The following POPDC1 variants were observed in gnomAD, a reference collection of about 807,000 sequenced individuals.
POPDC1 encodes the protein popeye domain cAMP effector 1.
At chr6:105,130,970 T>C in the POPDC1 span, among the ~76,000 whole-genome samples, 1 of 152,252 alleles carries the variant, frequency 6.6e-6, no homozygotes, top group Non-Finnish European at 1.5e-5. Flanking sequence ...GAATTTTCCC[T>C]TGGTGATTAT....
the POPDC1 span, among the ~76,000 whole-genome samples, chr6:105,109,763 C>CAAAAAAAAAAAAAAAAGAAAAA: frequency 4.4e-5 from 1 of 22,864 alleles, no homozygotes. Flanking sequence ...GACCCTTTCT[C>CAAAAAAAAAAAAAAAAGAAAAA]AAAAAAAAAA....
chr6:105,097,633 A>G, the POPDC1 span: 2 of 152,242 alleles, frequency 1.3e-5, no homozygotes, highest in Non-Finnish European at 2.9e-5. Context: ...TCAGCAACCA[A>G]GTGACTCTGT....
chr6:105,125,411 C>CAA, the POPDC1 span: 2 of 1,614,204 alleles, frequency 1.2e-6, no homozygotes, highest in Admixed American at 1.7e-5. Context: ...AGAGAATACT[C>CAA]AGACGGTCAT....
At chr6:105,104,902 C>T in the POPDC1 span, among the ~76,000 whole-genome samples, 1 of 152,250 alleles carries the variant, frequency 6.6e-6, no homozygotes, top group South Asian at 2.1e-4. Flanking sequence ...TATTTTATTT[C>T]TCAGAAACTC....
At chr6:105,124,385 C>CAAAAAAAAAAAAAA in the POPDC1 span, among the ~76,000 whole-genome samples, 1 of 81,778 alleles carries the variant, frequency 1.2e-5, no homozygotes, top group Non-Finnish European at 2.5e-5. Context: ...CCGTCTCAAA[C>CAAAAAAAAAAAAAA]AAAAAAAAAA....
chr6:105,105,074 C>G, the POPDC1 span, among the ~76,000 whole-genome samples: 1 of 152,210 alleles, frequency 6.6e-6, no homozygotes, highest in East Asian at 1.9e-4. Flanking sequence ...AGAACACATC[C>G]TAGGAGGATA....
the POPDC1 span, chr6:105,137,055 C>T: frequency 6.6e-6 from 1 of 152,140 alleles, no homozygotes; most frequent in South Asian, 2.1e-4. Context: ...GGCACACGGG[C>T]TCAGCTGCTC....
the POPDC1 span, chr6:105,133,285 C>A: frequency 7.5e-7 from 1 of 1,328,126 alleles, no homozygotes; most frequent in South Asian, 1.4e-5. Flanking sequence ...CTCTGAAGCT[C>A]TCAATGTAAA....
the POPDC1 span, chr6:105,124,595 A>C: frequency 6.2e-7 from 1 of 1,613,088 alleles, no homozygotes; most frequent in East Asian, 2.2e-5. Flanking sequence ...ATTCAGGAGA[A>C]TCTATAAAGG....
the POPDC1 span, among the ~76,000 whole-genome samples, chr6:105,135,824 T>G: frequency 6.6e-6 from 1 of 152,164 alleles, no homozygotes; most frequent in African/African-American, 2.4e-5. Context: ...TCAGTTTACT[T>G]TGATTACCAC....
chr6:105,097,478 T>A, the POPDC1 span: 1 of 152,316 alleles, frequency 6.6e-6, no homozygotes, highest in African/African-American at 2.4e-5. Flanking sequence ...CTGACCTGCA[T>A]GCCAGGTGCT....
At chr6:105,109,904 T>C in the POPDC1 span, among the ~76,000 whole-genome samples, 1 of 152,198 alleles carries the variant, frequency 6.6e-6, no homozygotes, top group East Asian at 1.9e-4. Context: ...TCAGTTCTTT[T>C]TTTTTCACTG....
the POPDC1 span, chr6:105,133,248 G>T: frequency 3.5e-6 from 3 of 865,668 alleles, no homozygotes; most frequent in Admixed American, 2.8e-5. Context: ...TACATTTTTT[G>T]GCTTGCTATG....
chr6:105,129,805 T>C, the POPDC1 span, among the ~76,000 whole-genome samples: 1 of 152,166 alleles, frequency 6.6e-6, no homozygotes, highest in South Asian at 2.1e-4. Flanking sequence ...CACTGCAAGA[T>C]TTCATCGCAC....
chr6:105,101,455 G>A, the POPDC1 span, among the ~76,000 whole-genome samples: 1 of 152,146 alleles, frequency 6.6e-6, no homozygotes, highest in Non-Finnish European at 1.5e-5. Context: ...GCATGTGCTT[G>A]GATGATCTGA....
the POPDC1 span, among the ~76,000 whole-genome samples, chr6:105,119,223 C>G: frequency 1.3e-5 from 2 of 149,466 alleles, no homozygotes; most frequent in African/African-American, 4.9e-5. Context: ...AAAGTGAGCA[C>G]TTTTGACTTT....
At chr6:105,133,292 T>A in the POPDC1 span, 13 of 1,394,060 alleles carry the variant, frequency 9.3e-6, 1 homozygote, top group South Asian at 1.7e-4. Flanking sequence ...GCTCTCAATG[T>A]AAAGCCCATC....
chr6:105,129,554 G>C, the POPDC1 span: 3 of 1,551,760 alleles, frequency 1.9e-6, no homozygotes, highest in Non-Finnish European at 2.6e-6. Flanking sequence ...AGCCTAAGTG[G>C]GGAGCTTAAT....
chr6:105,117,894 A>G, the POPDC1 span, among the ~76,000 whole-genome samples: 1 of 152,108 alleles, frequency 6.6e-6, no homozygotes, highest in African/African-American at 2.4e-5. Context: ...AAACATACAC[A>G]AATTAGATGG....
Sources: gnomAD v4.1 joint callset for allele counts (sites outside exome capture counted in the v4.1 genomes callset) on GRCh38, gnomAD v4.1.1 for gene constraint, MANE v1.5 for transcripts, NCBI Gene and HGNC (gene_info 2026-07-23, HGNC 2026-07-21) for gene names.